NRAP: variants seen among roughly 807,000 people sequenced by gnomAD.
The protein encoded by NRAP is nebulin related anchoring protein.
A neutral mutation model predicts 225.9 loss-of-function variants in NRAP; 189 were observed. The ratio of observed to expected loss-of-function variants is 0.84; its 90% CI spans 0.74 to 0.94. The LOEUF (loss-of-function observed/expected upper bound fraction) is 0.94, where lower values mean the gene tolerates loss of function less well. Ranked by LOEUF, NRAP falls within the 40% of genes least tolerant of loss-of-function variation. The probability of loss-of-function intolerance (pLI) is 0.00; values close to 1 mark genes in which losing one functional copy is unlikely to be tolerated. For missense variants in NRAP, 2,176 were observed against 2,168.7 expected (o/e 1.00, Z -0.07); for synonymous variants, 769 against 790.7 (o/e 0.97, Z 0.46).
chr10:113,660,096 CATAT>C (rs966881916), intron 3 of NRAP, among the ~76,000 whole-genome samples: 5 of 129,548 alleles, frequency 3.9e-5, no homozygotes, highest in African/African-American at 1.3e-4. Flanking sequence ...ACCATATACA[CATAT>C]ATACATACAT....
intron 39 of NRAP, among the ~76,000 whole-genome samples, chr10:113,591,634 T>C (rs1000534581): frequency 7.2e-5 from 11 of 152,250 alleles, no homozygotes; most frequent in South Asian, 2.1e-4. Flanking sequence ...GTCTAGTCAA[T>C]GGTGCCCTCT....
At chr10:113,599,445 A>G (rs1156730500) in intron 35 of NRAP, among the ~76,000 whole-genome samples, 1 of 152,224 alleles carries the variant, frequency 6.6e-6, no homozygotes, top group East Asian at 1.9e-4. Flanking sequence ...ATAAATTTCT[A>G]AGTTGGAGAG....
At chr10:113,605,900 A>T (rs1400820930) in intron 33 of NRAP, 31 bp from the exon 34 acceptor site, 10 of 1,490,156 alleles carry the variant, frequency 6.7e-6, no homozygotes, top group East Asian at 2.3e-5. Context: ...AATCTTTTTT[A>T]AAAAATTACA....
intron 35 of NRAP, among the ~76,000 whole-genome samples, chr10:113,604,091 T>C (rs1236445836): frequency 6.6e-6 from 1 of 152,174 alleles, no homozygotes. Flanking sequence ...CTTAGAATGG[T>C]GGCTAGTATA....
At chr10:113,594,824 G>A (rs1192504479) in intron 38 of NRAP, among the ~76,000 whole-genome samples, 1 of 152,248 alleles carries the variant, frequency 6.6e-6, no homozygotes, top group Admixed American at 6.5e-5. Flanking sequence ...GGTAGCAGCT[G>A]TTGATCTGCA....
chr10:113,659,080 AT>A lies in NRAP; in HGVS notation c.256-1507del, dbSNP rs572853103. On this transcript the variant is annotated intron_variant, in intron 3 of 41. Coordinates refer to ENST00000359988, the MANE Select transcript of NRAP (RefSeq NM_198060.4). ...CTGCTTAATGCTACTTGATGCATAT[AT>A]TTTTAAATATATACACTGAGAGATC... 1.7e-3 allele frequency among the ~76,000 whole-genome samples: 252 copies of A among 152,256 alleles called. 2 individuals are homozygous for A. Among genetic ancestry groups the A allele is most frequent in the African/African-American group, 6.0e-3 (249 of 41,536 alleles).
chr10:113,615,031 T>G, intron 27 of NRAP, 85 bp from the exon 28 acceptor site: 1 of 832,790 alleles, frequency 1.2e-6, no homozygotes, highest in South Asian at 1.4e-5. Context: ...GCAATCTGGT[T>G]TGTGGTGGGT....
chr10:113,620,563 T>C (rs1457602531), intron 25 of NRAP, 41 bp downstream of exon 25: 5 of 1,251,110 alleles, frequency 4.0e-6, no homozygotes, highest in African/African-American at 1.5e-5. Context: ...GCCGCACGCC[T>C]AATGCAGCCA....
chr10:113,607,564 A>C (rs146098727), intron 32 of NRAP, among the ~76,000 whole-genome samples: 15 of 152,312 alleles, frequency 9.8e-5, no homozygotes, highest in Middle Eastern at 3.4e-3. Context: ...TAAGCAGAAA[A>C]GATGAAATAG....
At chr10:113,645,608 G>A (rs553092215) in intron 11 of NRAP, among the ~76,000 whole-genome samples, 6 of 152,238 alleles carry the variant, frequency 3.9e-5, no homozygotes, top group South Asian at 4.2e-4. Flanking sequence ...GTAGAGACGG[G>A]GTTTCTCCAT....
rs558116232 is a variant in NRAP, at chr10:113,605,977, G to C, written c.3808-108C>G. On this transcript the variant is annotated intron_variant, in intron 33 of 41. Coordinates refer to ENST00000359988, the MANE Select transcript of NRAP (RefSeq NM_198060.4). ...GTGTTCCAGAATCAATTTCTGTTTT[G>C]TGCAGCAAATCTCATTAGTACACAC... The C allele has an allele frequency of 3.3e-6, 3 of 914,208 alleles. No homozygotes were observed. The South Asian group carries it at 4.3e-5, about 13-fold the overall frequency. The allele number at this position is 914,208 out of a possible 1,614,324, so 56.6% of individuals were successfully genotyped here.
intron 35 of NRAP, among the ~76,000 whole-genome samples, chr10:113,603,233 A>G (rs1846716786): frequency 6.6e-6 from 1 of 152,166 alleles, no homozygotes; most frequent in Non-Finnish European, 1.5e-5. Context: ...AACTTGTCCA[A>G]GGTCACCCAG....
In NRAP at chr10:113,651,841, GC is replaced by G. The variant is rs1564758489; in HGVS notation, c.636del (p.Glu212AspfsTer15). ...TGTGCCCCAGCCTTGCTCCGTAGCA[GC>G]TCAGGAGTATCCACCACCGTGGAGA... ...SRFSTVVDTP[E>X]LLRSKAGAQL... On this transcript the variant is annotated frameshift_variant, in exon 7 of 42. Transcript: ENST00000359988. LOFTEE classifies it high-confidence loss of function. 26 of 1,613,268 alleles carry G rather than the reference GC, an allele frequency of 1.6e-5. No individual in the cohort carries two copies. Among genetic ancestry groups the G allele is most frequent in the Non-Finnish European group, 2.2e-5 (26 of 1,179,318 alleles).
intron 20 of NRAP, among the ~76,000 whole-genome samples, 185 bp from the exon 21 acceptor site, chr10:113,626,330 T>A (rs1446712239): frequency 6.6e-6 from 1 of 152,134 alleles, no homozygotes; most frequent in Admixed American, 6.5e-5. Context: ...TCCAGTGAAC[T>A]TGATTTAGTT....
intron 32 of NRAP, among the ~76,000 whole-genome samples, chr10:113,607,500 C>T (rs550510362): frequency 8.4e-4 from 126 of 149,156 alleles, no homozygotes; most frequent in Admixed American, 1.5e-3. Flanking sequence ...AGTTGGCTAA[C>T]GCCAGAGGCC....
chr10:113,643,566 G>A (rs562371000), intron 11 of NRAP, among the ~76,000 whole-genome samples: 73 of 152,312 alleles, frequency 4.8e-4, no homozygotes, highest in African/African-American at 1.7e-3. Context: ...TAATAAATGA[G>A]ACCACTCAGA....
At chr10:113,624,407 T>A (rs1237076424) in intron 22 of NRAP, among the ~76,000 whole-genome samples, 1 of 152,128 alleles carries the variant, frequency 6.6e-6, no homozygotes, top group Non-Finnish European at 1.5e-5. Context: ...GGACTAATAT[T>A]GGTATCATTT....
At chr10:113,645,518 A>G (rs1849451370) in intron 11 of NRAP, among the ~76,000 whole-genome samples, 1 of 152,156 alleles carries the variant, frequency 6.6e-6, no homozygotes, top group African/African-American at 2.4e-5. Context: ...CCCGAGTTCA[A>G]GCAATTCTCC....
chr10:113,651,865 A>AGAAC lies in NRAP; in HGVS notation c.609_612dup (p.Ser205ValfsTer9). 1 of 1,613,422 alleles carries AGAAC rather than the reference A, an allele frequency of 6.2e-7. No individual in the cohort carries two copies. The highest frequency in any genetic ancestry group is 8.5e-7 in the Non-Finnish European group (1 of 1,179,420). On this transcript the variant is annotated frameshift_variant, in exon 7 of 42. Coordinates refer to ENST00000359988, the MANE Select transcript of NRAP (RefSeq NM_198060.4). LOFTEE classifies it high-confidence loss of function. ...AGCTCAGGAGTATCCACCACCGTGG[A>AGAAC]GAACCTGGAGATGCGTTCATCATGC...
Sources: gnomAD v4.1 joint callset for allele counts (sites outside exome capture counted in the v4.1 genomes callset) on GRCh38, gnomAD v4.1.1 for gene constraint, MANE v1.5 for transcripts, NCBI Gene and HGNC (gene_info 2026-07-23, HGNC 2026-07-21) for gene names.